DOCK5: variants seen among roughly 807,000 people sequenced by gnomAD.
DOCK5 encodes the protein dedicator of cytokinesis protein 5.
A neutral mutation model predicts 251.8 loss-of-function variants in DOCK5; 142 were observed. The ratio of observed to expected loss-of-function variants is 0.56; its 90% CI spans 0.49 to 0.65. The LOEUF is 0.65. Ranked by LOEUF, DOCK5 falls within the 30% of genes least tolerant of loss-of-function variation. The probability of loss-of-function intolerance (pLI) is 0.00; values close to 1 mark genes in which losing one functional copy is unlikely to be tolerated. For synonymous variants in DOCK5, 842 were observed against 835.5 expected, an observed-to-expected ratio of 1.01 and a Z score of -0.13; for missense variants, 2,111 against 2,312.3, an observed-to-expected ratio of 0.91 and a Z score of 1.79.
intron 9 of DOCK5, among the ~76,000 whole-genome samples, chr8:25,301,342 A>T (rs1421503997): frequency 6.6e-6 from 1 of 152,224 alleles, no homozygotes; most frequent in East Asian, 1.9e-4. Context: ...GACCTAGAGT[A>T]GAAATGCAGG....
At chr8:25,357,812 T>G (rs1563214501) in intron 27 of DOCK5, among the ~76,000 whole-genome samples, 1 of 152,196 alleles carries the variant, frequency 6.6e-6, no homozygotes, top group East Asian at 1.9e-4. Flanking sequence ...TGTTCATCTG[T>G]CCTGTGCTAA....
At chr8:25,234,124 G>A (rs1036287159) in intron 1 of DOCK5, among the ~76,000 whole-genome samples, 5 of 152,230 alleles carry the variant, frequency 3.3e-5, no homozygotes, top group African/African-American at 1.2e-4. Context: ...AATGACTTGT[G>A]TAGCCTGGTT....
chr8:25,225,287 T>C (rs1802499828), intron 1 of DOCK5, among the ~76,000 whole-genome samples: 8 of 152,162 alleles, frequency 5.3e-5, no homozygotes, highest in Admixed American at 4.6e-4. Flanking sequence ...GGAGGAGATA[T>C]TTTTACACTC....
At chr8:25,342,691 GTTTTTTTTT>G (rs1201632677) in intron 25 of DOCK5, among the ~76,000 whole-genome samples, 184 bp downstream of exon 25, 40 of 72,066 alleles carry the variant, frequency 5.6e-4, no homozygotes, top group African/African-American at 2.1e-3. Context: ...GTTTTTTCTT[GTTTTTTTTT>G]TTTTTTTTTT....
At chr8:25,288,168 G>C (rs1804390942) in intron 5 of DOCK5, among the ~76,000 whole-genome samples, 1 of 152,188 alleles carries the variant, frequency 6.6e-6, no homozygotes, top group Non-Finnish European at 1.5e-5. Flanking sequence ...TTACAGGCGT[G>C]AGCCACTGCG....
At position 25,395,605 on chromosome 8, in the gene DOCK5, C is replaced by T. The variant is rs755352946; in HGVS notation, c.4590C>T (p.Ser1530=). ...TGGAGCTGACCAACGAGAGGATCAGCAACTGTGTTCAGCAGCATGCCTGGG... is the reference window on the plus strand; with the variant it reads ...TGGAGCTGACCAACGAGAGGATCAGTAACTGTGTTCAGCAGCATGCCTGGG... ...ETMELTNERI[S]NCVQQHAWDR... is the part of the protein sequence containing the mutation. Residue 1530 remains serine (S), a synonymous_variant, in exon 45 of 52, where the codon AGC becomes AGT. Transcript: ENST00000276440. The T allele has an allele frequency of 1.1e-5, 18 of 1,613,788 alleles. No individual in the cohort carries two copies. In the African/African-American group the frequency reaches 1.7e-4, roughly 16 times the overall value.
Position 25,369,620 on chromosome 8 carries a change from A to G in DOCK5, c.3503A>G (p.Tyr1168Cys). 1 of 1,610,550 alleles carries G rather than the reference A, an allele frequency of 6.2e-7. No individual in the cohort carries two copies. Among genetic ancestry groups the G allele is most frequent in the Non-Finnish European group, 8.5e-7 (1 of 1,178,368 alleles). ...GAAGGGGGCAGAGGAGACGAACAAT[A>G]CAAGGTTCTTCTGGAAAAACTGTGA... is the stretch of plus-strand genomic sequence containing the variant. ...EVEGGRGDEQ[Y>C]KVLLEKLLLE... The change falls in exon 34 of 52, where the codon TAC becomes TGC. Residue 1168 changes from tyrosine to cysteine, a missense_variant. Tyr to Cys is a radical substitution (Grantham distance 194). This residue lies in a region of DOCK5 where 1,717 missense variants were observed against 1,892.4 expected (regional missense o/e 0.91). Transcript: ENST00000276440.
chr8:25,250,231 T>C (rs1183332731), intron 2 of DOCK5, among the ~76,000 whole-genome samples: 4 of 152,210 alleles, frequency 2.6e-5, no homozygotes, highest in Non-Finnish European at 5.9e-5. Flanking sequence ...CATTTGACTC[T>C]CTGGCCTTGC....
intron 2 of DOCK5, among the ~76,000 whole-genome samples, chr8:25,266,713 TA>T (rs1248585675): frequency 1.3e-5 from 2 of 151,860 alleles, no homozygotes; most frequent in African/African-American, 4.9e-5. Context: ...ACTCCAGAGA[TA>T]GATCTGTTCT....
At chr8:25,400,312 A>C (rs1801416074) in intron 46 of DOCK5, among the ~76,000 whole-genome samples, 1 of 151,942 alleles carries the variant, frequency 6.6e-6, no homozygotes, top group Non-Finnish European at 1.5e-5. Flanking sequence ...CAGCCTGGCC[A>C]ACATGGTGAA....
At chr8:25,321,110 A>G in intron 16 of DOCK5, 58 bp downstream of exon 16, 3 of 1,450,532 alleles carry the variant, frequency 2.1e-6, no homozygotes, top group Non-Finnish European at 2.9e-6. Flanking sequence ...CTCTGGCTTG[A>G]CAGCCATCTT....
intron 21 of DOCK5, among the ~76,000 whole-genome samples, chr8:25,334,572 G>A (rs1805757037): frequency 6.6e-6 from 1 of 152,120 alleles, no homozygotes; most frequent in Admixed American, 6.5e-5. Context: ...TTAGCCAGGT[G>A]TGGTGACACA....
In DOCK5 at chr8:25,406,207, C is replaced by T. The variant is rs146986780; in HGVS notation, c.5094-1776C>T. ...TCTCCTGACCTCGTGATTCGCCCGC[C>T]TCAGCTTCCCAAAGTGCTGGGATTA... is the stretch of plus-strand genomic sequence containing the variant. On this transcript the variant is annotated intron_variant, in intron 48 of 51. Transcript: ENST00000276440. Among the ~76,000 whole-genome samples the T allele has an allele frequency of 3.4e-3, 519 of 152,222 alleles. 3 individuals carry two copies. The highest frequency in any genetic ancestry group is 0.028 in the South Asian group (136 of 4,824).
chr8:25,291,918 C>T lies in DOCK5; in HGVS notation c.322-106C>T. On this transcript the variant is annotated intron_variant, in intron 5 of 51. Coordinates refer to ENST00000276440, the MANE Select transcript of DOCK5 (RefSeq NM_024940.8). ...TCGGCCAAAAGATGTTCCCTCTCAT[C>T]TGTCTGACATTCCCGTTAAAAACAA... 1.7e-5 allele frequency: 17 copies of T among 1,024,150 alleles called. No homozygotes were observed. In the South Asian group the frequency reaches 3.2e-4, roughly 20 times the overall value. The allele number at this position is 1,024,150 out of a possible 1,614,324, so 63.4% of individuals were successfully genotyped here.
At chr8:25,347,013 A>T (rs1008196985) in intron 26 of DOCK5, among the ~76,000 whole-genome samples, 1 of 152,196 alleles carries the variant, frequency 6.6e-6, no homozygotes, top group African/African-American at 2.4e-5. Context: ...TACCACGTCT[A>T]TGGTGGTTTC....
At chr8:25,376,450 G>C in intron 37 of DOCK5, 1 of 818,142 alleles carries the variant, frequency 1.2e-6, no homozygotes. Context: ...GTCTCTGTCT[G>C]TTCATGTACC....
intron 47 of DOCK5, among the ~76,000 whole-genome samples, chr8:25,402,382 T>G (rs1427935932): frequency 6.6e-6 from 1 of 152,056 alleles, no homozygotes; most frequent in African/African-American, 2.4e-5. Context: ...CTGCAAGCTC[T>G]GCCTCCCAGG....
At chr8:25,360,201 A>C (rs1800651633) in intron 28 of DOCK5, among the ~76,000 whole-genome samples, 1 of 152,210 alleles carries the variant, frequency 6.6e-6, no homozygotes, top group Non-Finnish European at 1.5e-5. Context: ...CCTTTCTGCC[A>C]TGCCCACATG....
chr8:25,346,898 G>A (rs575905192), intron 26 of DOCK5, among the ~76,000 whole-genome samples: 13 of 152,048 alleles, frequency 8.5e-5, no homozygotes, highest in African/African-American at 2.9e-4. Context: ...GCAGCCCACA[G>A]GCCTAGCAGA....
Sources: gnomAD v4.1 joint callset for allele counts (sites outside exome capture counted in the v4.1 genomes callset) on GRCh38, gnomAD v4.1.1 for gene constraint, gnomAD v4.1.1 regional missense constraint, MANE v1.5 for transcripts, NCBI Gene and HGNC (gene_info 2026-07-23, HGNC 2026-07-21) for gene names.